AGBL1: variants seen among roughly 807,000 people sequenced by gnomAD.
AGBL1 encodes the protein cytosolic carboxypeptidase 4.
AGBL1 carries 130 observed loss-of-function variants against 118.9 expected under a neutral mutation model. The observed-to-expected ratio is 1.09, with a 90% CI of 0.95 to 1.26. The LOEUF (loss-of-function observed/expected upper bound fraction) is 1.26. Ranked by LOEUF, AGBL1 falls within the 50% of genes most tolerant of loss-of-function variation. AGBL1 has a pLI of 0.00. For missense variants in AGBL1, 1,584 were observed against 1,298.1 expected (o/e 1.22, Z -3.38); for synonymous variants, 555 against 478.9 (o/e 1.16, Z -2.08).
intron 21 of AGBL1, among the ~76,000 whole-genome samples, chr15:86,643,482 A>G (rs1222454706): frequency 6.6e-6 from 1 of 152,044 alleles, no homozygotes; most frequent in East Asian, 1.9e-4. Flanking sequence ...ACTTAATTTG[A>G]CTTAAGTACT....
At chr15:86,082,945 C>A (rs1358051640) in intron 1 of AGBL1, among the ~76,000 whole-genome samples, 1 of 152,212 alleles carries the variant, frequency 6.6e-6, no homozygotes, top group Non-Finnish European at 1.5e-5. Context: ...TTATGAAAGT[C>A]CCTCGACCTC....
intron 24 of AGBL1, among the ~76,000 whole-genome samples, chr15:87,012,925 T>A (rs1017587055): frequency 1.3e-5 from 2 of 152,146 alleles, no homozygotes; most frequent in African/African-American, 2.4e-5. Context: ...AGTTGAGAGA[T>A]AATTGGCTGA....
At chr15:86,538,804 G>A (rs2083457772) in intron 19 of AGBL1, among the ~76,000 whole-genome samples, 1 of 152,320 alleles carries the variant, frequency 6.6e-6, no homozygotes, top group East Asian at 1.9e-4. Flanking sequence ...ATCAGGAATA[G>A]GTGAGCCCTG....
intron 22 of AGBL1, among the ~76,000 whole-genome samples, chr15:86,696,837 T>C (rs942639440): frequency 6.6e-5 from 10 of 152,036 alleles, no homozygotes; most frequent in African/African-American, 2.2e-4. Context: ...GAAAAGATTG[T>C]ATATTTCCTT....
At chr15:86,852,942 C>A (rs568485979) in intron 22 of AGBL1, among the ~76,000 whole-genome samples, 3 of 152,140 alleles carry the variant, frequency 2.0e-5, no homozygotes, top group Non-Finnish European at 4.4e-5. Flanking sequence ...GCTCAGGCTT[C>A]GTTGTTTTTA....
At chr15:86,178,249 G>C (rs906938902) in intron 5 of AGBL1, among the ~76,000 whole-genome samples, 1 of 152,162 alleles carries the variant, frequency 6.6e-6, no homozygotes, top group African/African-American at 2.4e-5. Flanking sequence ...GGAGTTGGAG[G>C]TTGCAGTGAG....
intron 22 of AGBL1, among the ~76,000 whole-genome samples, chr15:86,690,379 A>G (rs1040008225): frequency 6.6e-6 from 1 of 152,200 alleles, no homozygotes; most frequent in African/African-American, 2.4e-5. Flanking sequence ...TTGACAGCAT[A>G]GGGAGTTTGT....
chr15:86,860,166 C>G (rs1596560349), intron 22 of AGBL1, among the ~76,000 whole-genome samples: 2 of 152,236 alleles, frequency 1.3e-5, no homozygotes, highest in Admixed American at 1.3e-4. Flanking sequence ...CCAAGCCTCT[C>G]TGAGCCTCAG....
chr15:86,704,725 G>T (rs768440720), intron 22 of AGBL1, among the ~76,000 whole-genome samples: 1 of 152,130 alleles, frequency 6.6e-6, no homozygotes, highest in African/African-American at 2.4e-5. Flanking sequence ...ACAGTGTGGC[G>T]ATTCCTTAAG....
At chr15:86,240,633 A>G (rs533343015) in intron 6 of AGBL1, among the ~76,000 whole-genome samples, 17 of 152,292 alleles carry the variant, frequency 1.1e-4, no homozygotes, top group African/African-American at 1.2e-4. Flanking sequence ...TAAGAGTTCA[A>G]TCCCCCCAGT....
At chr15:86,103,880 G>A (rs73460847) in intron 1 of AGBL1, among the ~76,000 whole-genome samples, 17,268 of 152,226 alleles carry the variant, frequency 0.11, 2,665 homozygotes, top group African/African-American at 0.35. Flanking sequence ...ACAGCAATGG[G>A]CCAGGTGGAT....
intron 17 of AGBL1, among the ~76,000 whole-genome samples, chr15:86,379,647 G>A (rs2081086424): frequency 6.6e-6 from 1 of 152,138 alleles, no homozygotes; most frequent in Non-Finnish European, 1.5e-5. Flanking sequence ...AGGGACTATT[G>A]TTTTCCCCAG....
At position 86,262,986 on chromosome 15, in the gene AGBL1, G is replaced by A. The variant is rs1003731441; in HGVS notation, c.1086+92G>A. 15 of 878,638 alleles carry A rather than the reference G, an allele frequency of 1.7e-5. No individual in the cohort carries two copies. In the African/African-American group the frequency reaches 2.0e-4, roughly 12 times the overall value. 54.4% of individuals were successfully genotyped at this position (878,638 alleles called of 1,614,324 possible). On this transcript the variant is annotated intron_variant, in intron 10 of 22. Coordinates refer to ENST00000614907, the MANE Select transcript of AGBL1 (RefSeq NM_001386094.1). ...CCAAACCAGGGTGTCCAGATGGAAAGCATTGCTCATCATTAGCCATATGCT... is the reference window on the plus strand; with the variant it reads ...CCAAACCAGGGTGTCCAGATGGAAAACATTGCTCATCATTAGCCATATGCT...
At chr15:86,739,010 G>A (rs2077640207) in intron 22 of AGBL1, among the ~76,000 whole-genome samples, 4 of 152,114 alleles carry the variant, frequency 2.6e-5, no homozygotes, top group Admixed American at 2.6e-4. Flanking sequence ...GCTGGGCATG[G>A]TGGTGCATGC....
chr15:86,523,072 A>C, intron 19 of AGBL1, 133 bp downstream of exon 19: 1 of 1,099,164 alleles, frequency 9.1e-7, no homozygotes, highest in Non-Finnish European at 1.3e-6. Context: ...TGGAGGATGC[A>C]TGGTGCATTG....
At chr15:86,522,417 T>C (rs1235541383) in intron 18 of AGBL1, among the ~76,000 whole-genome samples, 1 of 152,186 alleles carries the variant, frequency 6.6e-6, no homozygotes, top group Non-Finnish European at 1.5e-5. Flanking sequence ...GCTGGAAATA[T>C]CATATGTAAC....
intron 17 of AGBL1, among the ~76,000 whole-genome samples, chr15:86,314,842 G>T (rs1229547035): frequency 3.3e-5 from 5 of 152,180 alleles, no homozygotes. Context: ...GTTTTCAAGG[G>T]CATGTTTTCC....
chr15:86,932,746 G>A (rs2080620391), intron 23 of AGBL1: 1 of 152,084 alleles, frequency 6.6e-6, no homozygotes, highest in African/African-American at 2.4e-5. Flanking sequence ...GGCCCATTAT[G>A]AATGTTTTGC....
At chr15:86,691,184 G>A (rs1282296337) in intron 22 of AGBL1, among the ~76,000 whole-genome samples, 1 of 152,054 alleles carries the variant, frequency 6.6e-6, no homozygotes, top group African/African-American at 2.4e-5. Context: ...TGGAGGTACT[G>A]ACAGCTCCTT....
Sources: allele counts gnomAD v4.1 joint callset (sites outside exome capture counted in the v4.1 genomes callset), GRCh38; gene constraint gnomAD v4.1.1; transcripts MANE v1.5; gene names NCBI Gene and HGNC (gene_info 2026-07-23, HGNC 2026-07-21).